KMO: variants seen among roughly 807,000 people sequenced by gnomAD.
The protein encoded by KMO is kynurenine 3-monooxygenase, also known as kynurenine 3-hydroxylase.
KMO carries 24 observed loss-of-function variants against 57.8 expected under a neutral mutation model. The observed-to-expected ratio is 0.42, with a 90% CI of 0.30 to 0.58. KMO has a LOEUF of 0.58. Among genes scored for constraint, KMO ranks in the 20% least tolerant of loss-of-function variants. The pLI, the probability that KMO is intolerant of heterozygous loss-of-function variation, is 0.22. For missense variants in KMO, 483 were observed against 588.2 expected (o/e 0.82, Z 1.85); for synonymous variants, 210 against 193.6 (o/e 1.08, Z -0.70).
intron 8 of KMO, 86 bp downstream of exon 8, chr1:241,565,144 C>T: frequency 1.3e-6 from 1 of 781,188 alleles, no homozygotes; most frequent in Non-Finnish European, 2.2e-6. Flanking sequence ...AATGTATCTA[C>T]CTAATTGATC....
chr1:241,588,826 T>G lies in KMO; in HGVS notation c.1094T>G (p.Ile365Arg). 1 of 1,609,192 alleles carries G rather than the reference T, an allele frequency of 6.2e-7. No individual in the cohort carries two copies. The highest frequency in any genetic ancestry group is 8.5e-7 in the Non-Finnish European group (1 of 1,175,820). Residue 365 changes from isoleucine to arginine, a missense_variant, in exon 12 of 15, where the codon ATA becomes AGA. By Grantham distance (97) the Ile-to-Arg change is moderately conservative. Transcript: ENST00000366559. ...AISDLSMYNY[I>R]EMRAHVNSSW... The stretch of plus-strand genomic sequence containing the variant: ...TCAGACCTATCCATGTACAATTACA[T>G]AGAGGTGAGTGAGAAGGTTTGGCTT...
chr1:241,562,894 GGAAGGAAGGAAGGAAGGAAGGAAA>G (rs1483432289), intron 7 of KMO, among the ~76,000 whole-genome samples: 4,300 of 84,382 alleles, frequency 0.051, 137 homozygotes, highest in African/African-American at 0.076. Flanking sequence ...AAGGAAGGAA[GGAAGGAAGGAAGGAAGGAAGGAAA>G]GAAGGAAGGA....
intron 1 of KMO, among the ~76,000 whole-genome samples, chr1:241,542,608 T>A (rs1410503665): frequency 2.0e-5 from 3 of 152,212 alleles, no homozygotes; most frequent in African/African-American, 7.2e-5. Flanking sequence ...CTGGGAACAG[T>A]CCTGTCTCTA....
chr1:241,587,820 G>A (rs976557394), intron 11 of KMO, among the ~76,000 whole-genome samples: 14 of 150,720 alleles, frequency 9.3e-5, no homozygotes, highest in African/African-American at 2.4e-4. Flanking sequence ...TTTTGTTCCC[G>A]CCCTTCCTTC....
At chr1:241,557,909 T>C (rs1661700194) in intron 5 of KMO, among the ~76,000 whole-genome samples, 1 of 152,224 alleles carries the variant, frequency 6.6e-6, no homozygotes, top group South Asian at 2.1e-4. Flanking sequence ...AAAAATCCTC[T>C]CAATCTATCA....
At chr1:241,574,285 T>G (rs894873555) in intron 10 of KMO, among the ~76,000 whole-genome samples, 1 of 152,074 alleles carries the variant, frequency 6.6e-6, no homozygotes, top group African/African-American at 2.4e-5. Context: ...GATTACTTTC[T>G]CTAGGACTTC....
At chr1:241,550,718 T>A (rs1010933464) in intron 3 of KMO, among the ~76,000 whole-genome samples, 12 of 152,128 alleles carry the variant, frequency 7.9e-5, no homozygotes, top group African/African-American at 2.7e-4. Context: ...GATATTCGAT[T>A]TAGATCAGAT....
At chr1:241,548,972 A>G (rs1175192563) in intron 2 of KMO, 74 bp downstream of exon 2, 2 of 949,186 alleles carry the variant, frequency 2.1e-6, no homozygotes, top group Non-Finnish European at 3.4e-6. Context: ...GCCAGGGCAC[A>G]TGGATCGCTT....
At chr1:241,588,249 T>C (rs556654883) in intron 11 of KMO, among the ~76,000 whole-genome samples, 1 of 152,110 alleles carries the variant, frequency 6.6e-6, no homozygotes, top group African/African-American at 2.4e-5. Flanking sequence ...TGCTGTGGTG[T>C]TTTAGAAAGT....
chr1:241,550,256 T>C (rs1661347211), intron 3 of KMO, among the ~76,000 whole-genome samples: 2 of 152,208 alleles, frequency 1.3e-5, no homozygotes, highest in South Asian at 4.1e-4. Flanking sequence ...GCTACAGAAA[T>C]TTTGTGTTTG....
At chr1:241,544,233 A>G (rs1460458333) in intron 1 of KMO, among the ~76,000 whole-genome samples, 2 of 152,122 alleles carry the variant, frequency 1.3e-5, no homozygotes, top group African/African-American at 4.8e-5. Flanking sequence ...CTTTCTCCCT[A>G]CCTGTTTTCT....
At chr1:241,589,327 TA>T (rs1663153262) in intron 12 of KMO, among the ~76,000 whole-genome samples, 1 of 152,174 alleles carries the variant, frequency 6.6e-6, no homozygotes, top group Non-Finnish European at 1.5e-5. Flanking sequence ...AAAAACATAT[TA>T]ATTCCATTTT....
chr1:241,594,573 T>C lies in KMO; in HGVS notation c.*2420T>C. Reference sequence around the variant, plus strand: ...TTTTTTCTTTGGCCTGTCCCCATCTTTCTGTGACATCACAATGGGTCTGAT... The same window carrying C: ...TTTTTTCTTTGGCCTGTCCCCATCTCTCTGTGACATCACAATGGGTCTGAT... On this transcript the variant is annotated 3_prime_UTR_variant, in exon 15 of 15. Coordinates refer to ENST00000366559, the MANE Select transcript of KMO (RefSeq NM_003679.5). The C allele has an allele frequency of 1.2e-6, 2 of 1,614,130 alleles. No homozygotes were observed. The highest frequency in any genetic ancestry group is 1.7e-6 in the Non-Finnish European group (2 of 1,179,986).
intron 10 of KMO, among the ~76,000 whole-genome samples, chr1:241,585,216 G>A (rs1276593392): frequency 1.4e-5 from 2 of 138,398 alleles, no homozygotes; most frequent in African/African-American, 2.8e-5. Context: ...GTGACAGACC[G>A]AGACTGCATT....
intron 1 of KMO, among the ~76,000 whole-genome samples, chr1:241,546,713 A>T (rs1215609025): frequency 2.6e-5 from 4 of 152,180 alleles, no homozygotes; most frequent in Non-Finnish European, 5.9e-5. Context: ...AATTGATGAG[A>T]TGGGAGGCGA....
chr1:241,533,869 C>T (rs542327328), intron 1 of KMO, among the ~76,000 whole-genome samples: 35 of 152,310 alleles, frequency 2.3e-4, no homozygotes, highest in South Asian at 2.1e-3. Context: ...GACCAGAGAC[C>T]TGAATGATCA....
At chr1:241,542,559 A>G (rs1257117832) in intron 1 of KMO, among the ~76,000 whole-genome samples, 1 of 152,234 alleles carries the variant, frequency 6.6e-6, no homozygotes, top group Non-Finnish European at 1.5e-5. Context: ...GGTGCTTCGA[A>G]ACAAATACAG....
At chr1:241,544,462 A>G (rs1439046401) in intron 1 of KMO, among the ~76,000 whole-genome samples, 1 of 152,154 alleles carries the variant, frequency 6.6e-6, no homozygotes, top group Non-Finnish European at 1.5e-5. Context: ...CTCAAGGGTA[A>G]CTTCTACTGC....
chr1:241,594,427 C>T lies in KMO; in HGVS notation c.*2274C>T. On this transcript the variant is annotated 3_prime_UTR_variant, in exon 15 of 15. Coordinates refer to ENST00000366559, the MANE Select transcript of KMO (RefSeq NM_003679.5). ...CCATCTTTCGTTGCCATTCTTCATT[C>T]CTACAAAGGACGAACTTGGATTACA... 6.2e-7 allele frequency: 1 copy of T among 1,609,540 alleles called. No individual in the cohort carries two copies.
Sources: allele counts gnomAD v4.1 joint callset (sites outside exome capture counted in the v4.1 genomes callset), GRCh38; gene constraint gnomAD v4.1.1; transcripts MANE v1.5; gene names NCBI Gene and HGNC (gene_info 2026-07-23, HGNC 2026-07-21).